TRIOBP: variants seen among roughly 807,000 people sequenced by gnomAD.
The protein encoded by TRIOBP is TRIO and F-actin-binding protein.
In TRIOBP, 169 loss-of-function variants were observed where a neutral mutation model predicts 238.8. The observed-to-expected ratio is 0.71, with a 90% CI of 0.62 to 0.80. The LOEUF (loss-of-function observed/expected upper bound fraction) is 0.80, where lower values mean the gene tolerates loss of function less well. TRIOBP is among the 30% of genes least tolerant of loss of function. TRIOBP has a pLI of 0.00. For missense variants in TRIOBP, 2,838 were observed against 3,122.6 expected (o/e 0.91, Z 2.17); for synonymous variants, 1,150 against 1,274.4 (o/e 0.90, Z 2.08).
intron 21 of TRIOBP, 41 bp downstream of exon 21, chr22:37,769,416 G>C: frequency 6.6e-7 from 1 of 1,526,546 alleles, no homozygotes; most frequent in South Asian, 1.2e-5. Flanking sequence ...AGTGGTTCTC[G>C]GGGCCCGGGG....
At chr22:37,702,342 T>TAC (rs1253215915) in intron 3 of TRIOBP, among the ~76,000 whole-genome samples, 1 of 151,926 alleles carries the variant, frequency 6.6e-6, no homozygotes, top group Non-Finnish European at 1.5e-5. Context: ...GTATTGGGAT[T>TAC]ACAGGTGCCT....
chr22:37,731,904 T>C (rs1337759406), intron 7 of TRIOBP, among the ~76,000 whole-genome samples: 2 of 152,250 alleles, frequency 1.3e-5, no homozygotes, highest in Non-Finnish European at 2.9e-5. Flanking sequence ...CCCATACTTT[T>C]GAAGGTGTCG....
Position 37,739,759 on chromosome 22 carries a change from T to A in TRIOBP, c.5184+1040T>A, listed in dbSNP as rs142662031. 2.6e-5 allele frequency among the ~76,000 whole-genome samples: 4 copies of A among 152,282 alleles called. No individual in the cohort carries two copies. In the East Asian group the frequency reaches 7.7e-4, roughly 29 times the overall value. On this transcript the variant is annotated intron_variant, in intron 10 of 23. Coordinates refer to ENST00000644935, the MANE Select transcript of TRIOBP (RefSeq NM_001039141.3). The stretch of plus-strand genomic sequence containing the variant: ...TGGTCGCTAAAGGCGCTGCCAGCCC[T>A]CCCAGGGACTCTGACAACTTTGCTC...
intron 6 of TRIOBP, among the ~76,000 whole-genome samples, chr22:37,721,847 A>G (rs1034262356): frequency 5.3e-5 from 8 of 152,232 alleles, no homozygotes; most frequent in Middle Eastern, 3.4e-3. Context: ...GCCAAGGGAC[A>G]TGTACATAGG....
At chr22:37,732,173 T>TA (rs1924456609) in intron 7 of TRIOBP, among the ~76,000 whole-genome samples, 1 of 152,162 alleles carries the variant, frequency 6.6e-6, no homozygotes, top group African/African-American at 2.4e-5. Context: ...AAGGGAGAGA[T>TA]ATGCCCAGGT....
At position 37,757,960 on chromosome 22, in the gene TRIOBP, C is replaced by T. The variant is rs767327446; in HGVS notation, c.6035C>T (p.Ala2012Val). Residue 2012 changes from alanine (A) to valine (V), a missense_variant, in exon 16 of 24, where the codon GCC (alanine) becomes GTC (valine). Physicochemically the swap from Ala to Val is moderately conservative, Grantham distance 64. Coordinates refer to ENST00000644935, the MANE Select transcript of TRIOBP (RefSeq NM_001039141.3). ...AGEGPRRGLGAPLTEDQQNRL... is the reference protein window; with the variant it reads ...AGEGPRRGLGVPLTEDQQNRL... ...GAGGGGCCGCGCCGGGGCCTGGGTG[C>T]CCCCCTGACTGAGGACCAGCAAAAC... The T allele has an allele frequency of 2.3e-5, 36 of 1,569,488 alleles. No individual in the cohort carries two copies. The highest frequency in any genetic ancestry group is 1.3e-4 in the Admixed American group (7 of 52,758).
chr22:37,737,777 C>G (rs946336208), intron 9 of TRIOBP, among the ~76,000 whole-genome samples: 1 of 152,184 alleles, frequency 6.6e-6, no homozygotes, highest in African/African-American at 2.4e-5. Flanking sequence ...GCACATATCC[C>G]TGCCTTTGCA....
At chr22:37,723,147 C>G in intron 6 of TRIOBP, 38 bp from the exon 7 acceptor site, 1 of 1,609,116 alleles carries the variant, frequency 6.2e-7, no homozygotes, top group South Asian at 1.1e-5. Flanking sequence ...CTGCCTGGAC[C>G]TCTCCCCTTA....
At chr22:37,712,317 G>T (rs535669587) in intron 4 of TRIOBP, among the ~76,000 whole-genome samples, 1 of 151,250 alleles carries the variant, frequency 6.6e-6, no homozygotes, top group Admixed American at 6.6e-5. Context: ...CACCACACCC[G>T]ACTAATTTTT....
At position 37,715,796 on chromosome 22, in the gene TRIOBP, G is replaced by A. The variant is rs775083960; in HGVS notation, c.490G>A (p.Ala164Thr). The change falls in exon 6 of 24, where the codon GCC (alanine) becomes ACC (threonine). Residue 164 changes from alanine to threonine, a missense_variant. Transcript: ENST00000644935. Reference protein sequence around the residue: ...WDTVERQEEEAPSWDELAVMI... With the variant: ...WDTVERQEEETPSWDELAVMI... The stretch of plus-strand genomic sequence containing the variant: ...CACTGTTGAGAGGCAGGAGGAGGAG[G>A]CCCCCAGCTGGGACGAGCTCGCAGT... The A allele has an allele frequency of 1.9e-6, 3 of 1,614,044 alleles. No homozygotes were observed. Among genetic ancestry groups the A allele is most frequent in the Non-Finnish European group, 2.5e-6 (3 of 1,180,006 alleles).
chr22:37,726,201 AGT>A lies in TRIOBP; in HGVS notation c.3649_3650del (p.Cys1217HisfsTer19), dbSNP rs760301865. 6.7e-7 allele frequency: 1 copy of A among 1,485,296 alleles called. No homozygotes were observed. Among genetic ancestry groups the A allele is most frequent in the Non-Finnish European group, 9.0e-7 (1 of 1,116,572 alleles). 92.0% of individuals were successfully genotyped at this position (1,485,296 alleles called of 1,614,324 possible). A position where few individuals can be genotyped will look rare whatever the true frequency, so the allele number is the denominator to read the frequency against. ...LHGSPVLIPQ[V>X]CIGHRDAPRA... ...ATGGCTCCCCAGTGCTGATCCCCCA[AGT>A]GTGCATCGGGCACCGGGATGCACCC... On this transcript the variant is annotated frameshift_variant, in exon 7 of 24. Coordinates refer to ENST00000644935, the MANE Select transcript of TRIOBP (RefSeq NM_001039141.3). LOFTEE classifies it high-confidence loss of function.
intron 17 of TRIOBP, among the ~76,000 whole-genome samples, chr22:37,765,410 A>C (rs1433707334): frequency 6.6e-6 from 1 of 152,182 alleles, no homozygotes; most frequent in Non-Finnish European, 1.5e-5. Flanking sequence ...ATGAGAACGT[A>C]AAGGTCAGCC....
chr22:37,750,828 G>A, intron 11 of TRIOBP: 1 of 446,856 alleles, frequency 2.2e-6, no homozygotes, highest in South Asian at 1.6e-5. Context: ...AGCTGCCACT[G>A]TCACCGCCCA....
At position 37,757,598 on chromosome 22, in the gene TRIOBP, C is replaced by A; in HGVS notation, c.5688-15C>A. On this transcript the variant is annotated splice_polypyrimidine_tract_variant and intron_variant, in intron 15 of 23. Coordinates refer to ENST00000644935, the MANE Select transcript of TRIOBP (RefSeq NM_001039141.3). ...GGGTGAGGACCCACCTGACGTGGCT[C>A]TGCTGGTGCCCTAGGCTCTCGGACT... 6.4e-7 allele frequency: 1 copy of A among 1,569,358 alleles called. No individual in the cohort carries two copies. The highest frequency in any genetic ancestry group is 2.4e-5 in the East Asian group (1 of 42,504).
chr22:37,705,297 C>T (rs866723488), intron 3 of TRIOBP, among the ~76,000 whole-genome samples: 24 of 151,382 alleles, frequency 1.6e-4, no homozygotes, highest in African/African-American at 5.6e-4. Context: ...ATCTCTTGAA[C>T]CCAGGAGGCA....
intron 7 of TRIOBP, among the ~76,000 whole-genome samples, chr22:37,728,947 G>A (rs997089607): frequency 2.0e-5 from 3 of 151,750 alleles, no homozygotes; most frequent in African/African-American, 4.8e-5. Flanking sequence ...ATGGAGTCTC[G>A]CTCTGTCACC....
chr22:37,705,665 T>C (rs1922906395), intron 3 of TRIOBP, among the ~76,000 whole-genome samples: 1 of 151,442 alleles, frequency 6.6e-6, no homozygotes, highest in South Asian at 2.1e-4. Context: ...AACCTCTGCC[T>C]CCCAGGTTCA....
rs148829563 is a variant in TRIOBP, at chr22:37,750,143, G to A, written c.5323-1629G>A. On this transcript the variant is annotated intron_variant, in intron 11 of 23. Coordinates refer to ENST00000644935, the MANE Select transcript of TRIOBP (RefSeq NM_001039141.3). ...GCCCCGTCATTTGCCACATCAGGCA[G>A]CCAGGACTCAGAGAGGGGATGTGAC... Among the ~76,000 whole-genome samples the A allele has an allele frequency of 2.9e-3, 436 of 152,282 alleles. 5 individuals carry two copies. Among genetic ancestry groups the A allele is most frequent in the African/African-American group, 0.01 (420 of 41,568 alleles).
At chr22:37,761,241 G>A (rs191089554) in intron 17 of TRIOBP, among the ~76,000 whole-genome samples, 37 of 152,036 alleles carry the variant, frequency 2.4e-4, no homozygotes, top group Admixed American at 2.2e-3. Flanking sequence ...GAGGTCAAAT[G>A]TTCGAGGCCA....
Sources: allele counts gnomAD v4.1 joint callset (sites outside exome capture counted in the v4.1 genomes callset), GRCh38; gene constraint gnomAD v4.1.1; transcripts MANE v1.5; gene names NCBI Gene and HGNC (gene_info 2026-07-23, HGNC 2026-07-21).